The following NEK10 variants were observed in gnomAD, a reference collection of about 807,000 sequenced individuals.
NEK10 encodes the protein NIMA related kinase 10.
A neutral mutation model predicts 159.8 loss-of-function variants in NEK10; 122 were observed. The observed-to-expected ratio is 0.76, with a 90% CI of 0.66 to 0.89. The LOEUF is 0.89. Among genes scored for constraint, NEK10 ranks in the 40% least tolerant of loss-of-function variants. NEK10 has a pLI of 0.00. For synonymous variants in NEK10, 466 were observed against 457.1 expected (o/e 1.02, Z -0.25); for missense variants, 1,342 against 1,323.1 (o/e 1.01, Z -0.22).
At chr3:27,283,089 A>C (rs1472105147) in intron 22 of NEK10, among the ~76,000 whole-genome samples, 1 of 152,126 alleles carries the variant, frequency 6.6e-6, no homozygotes, top group Middle Eastern at 3.2e-3. Context: ...CAAATATATT[A>C]ATATGATGTT....
chr3:27,336,547 A>G (rs2046815824), intron 5 of NEK10, among the ~76,000 whole-genome samples: 1 of 152,132 alleles, frequency 6.6e-6, no homozygotes, highest in African/African-American at 2.4e-5. Context: ...AACAAAAACC[A>G]TGAAAACTAT....
rs184656552 is a variant in NEK10, at chr3:27,292,311, T to C, written c.1374-725A>G. ...AGAAGGAAACATTTATTGGGTGTTT[T>C]TTTGGGTGTGGAGCACTTTCACAAA... is the stretch of plus-strand genomic sequence containing the variant. On this transcript the variant is annotated intron_variant, in intron 16 of 35. Coordinates refer to ENST00000691995, the MANE Select transcript of NEK10 (RefSeq NM_001394966.1). Among the ~76,000 whole-genome samples, 869 of 152,312 alleles carry C rather than the reference T, an allele frequency of 5.7e-3. 7 individuals carry two copies. Among genetic ancestry groups the C allele is most frequent in the African/African-American group, 0.019 (809 of 41,572 alleles).
intron 23 of NEK10, among the ~76,000 whole-genome samples, chr3:27,204,312 T>TG (rs2149055567): frequency 1.5e-5 from 2 of 135,554 alleles, no homozygotes; most frequent in African/African-American, 2.6e-5. Flanking sequence ...TTTTTTTTTT[T>TG]TTTTTTTTTA....
Position 27,107,721 on chromosome 3 carries a change from G to A in NEK10, c.*3551C>T, listed in dbSNP as rs572626910. Among the ~76,000 whole-genome samples, 148 of 152,214 alleles carry A rather than the reference G, an allele frequency of 9.7e-4. No homozygotes were observed. The highest frequency in any genetic ancestry group is 1.6e-3 in the Non-Finnish European group (108 of 67,996). On this transcript the variant is annotated 3_prime_UTR_variant, in exon 36 of 36. Coordinates refer to ENST00000691995, the MANE Select transcript of NEK10 (RefSeq NM_001394966.1). Reference sequence around the variant, plus strand: ...GGGTGCCAAGAAGCTGTTTCAGATAGATTTCTTTGCATTGCCTCTCCAAGT... The same window carrying A: ...GGGTGCCAAGAAGCTGTTTCAGATAAATTTCTTTGCATTGCCTCTCCAAGT...
intron 23 of NEK10, among the ~76,000 whole-genome samples, chr3:27,246,107 A>G (rs1955027979): frequency 6.6e-6 from 1 of 152,222 alleles, no homozygotes; most frequent in African/African-American, 2.4e-5. Flanking sequence ...CCACTGACAG[A>G]ATCAATCATC....
chr3:27,174,399 C>T (rs764971365), intron 28 of NEK10, 40 bp downstream of exon 28: 116 of 1,607,226 alleles, frequency 7.2e-5, no homozygotes, highest in Non-Finnish European at 8.7e-5. Context: ...CACTGTCTTC[C>T]GGAATCCCAC....
intron 26 of NEK10, among the ~76,000 whole-genome samples, chr3:27,190,476 G>C (rs559743368): frequency 6.6e-6 from 1 of 152,260 alleles, no homozygotes; most frequent in South Asian, 2.1e-4. Context: ...ATAAACGTTT[G>C]AAGTTTTCCA....
At chr3:27,368,775 A>T (rs757478973) in intron 1 of NEK10, among the ~76,000 whole-genome samples, 8 of 152,036 alleles carry the variant, frequency 5.3e-5, no homozygotes, top group Non-Finnish European at 8.8e-5. Flanking sequence ...ATGGTGCCTG[A>T]GGCGAGGAAG....
intron 16 of NEK10, 50 bp downstream of exon 16, chr3:27,293,538 C>T (rs144577870): frequency 3.1e-6 from 3 of 968,790 alleles, no homozygotes; most frequent in Admixed American, 2.4e-5. Context: ...ACAGTTCAAT[C>T]TAATGATCTC....
At chr3:27,332,128 C>G (rs1243953766) in intron 5 of NEK10, among the ~76,000 whole-genome samples, 1 of 152,028 alleles carries the variant, frequency 6.6e-6, no homozygotes, top group Non-Finnish European at 1.5e-5. Flanking sequence ...AAAATAATAC[C>G]AAATTTCATA....
chr3:27,175,549 C>A (rs1357944800), intron 26 of NEK10, among the ~76,000 whole-genome samples: 1 of 152,048 alleles, frequency 6.6e-6, no homozygotes, highest in Non-Finnish European at 1.5e-5. Context: ...TAATTAATGC[C>A]ACTGATGCTG....
chr3:27,306,355 C>T (rs1201453368), intron 11 of NEK10, among the ~76,000 whole-genome samples: 1 of 152,160 alleles, frequency 6.6e-6, no homozygotes, highest in Non-Finnish European at 1.5e-5. Flanking sequence ...TTTCTCATTC[C>T]TTTCCCCTGA....
chr3:27,205,293 T>G (rs577161643), intron 23 of NEK10, among the ~76,000 whole-genome samples: 1 of 141,672 alleles, frequency 7.1e-6, no homozygotes, highest in East Asian at 2.0e-4. Context: ...CAAGGTAATT[T>G]ACAGATTCAA....
At chr3:27,287,006 G>A (rs966215327) in intron 20 of NEK10, among the ~76,000 whole-genome samples, 3 of 151,980 alleles carry the variant, frequency 2.0e-5, no homozygotes, top group East Asian at 1.9e-4. Context: ...GAGGTAGTCC[G>A]GAAGCCCCAG....
chr3:27,345,163 C>T (rs570460622), intron 4 of NEK10, among the ~76,000 whole-genome samples: 194 of 152,202 alleles, frequency 1.3e-3, no homozygotes, highest in Non-Finnish European at 2.4e-3. Context: ...AACATACAAC[C>T]TCAAAGGAAA....
chr3:27,317,986 G>A (rs1018485469), intron 6 of NEK10, among the ~76,000 whole-genome samples: 10 of 152,032 alleles, frequency 6.6e-5, no homozygotes, highest in Admixed American at 3.3e-4. Flanking sequence ...CTATTTTTTA[G>A]TAGAGACGGG....
intron 31 of NEK10, among the ~76,000 whole-genome samples, chr3:27,132,206 C>A (rs1942701938): frequency 1.3e-5 from 2 of 152,160 alleles, no homozygotes; most frequent in African/African-American, 4.8e-5. Flanking sequence ...ATGGCTGCTT[C>A]CATTTATCTT....
intron 14 of NEK10, 61 bp from the exon 15 acceptor site, chr3:27,295,751 GA>G: frequency 6.8e-7 from 1 of 1,474,124 alleles, no homozygotes; most frequent in South Asian, 1.4e-5. Context: ...CAAGCAAAAA[GA>G]GGCAAATAAA....
chr3:27,136,103 A>G (rs951886187), intron 31 of NEK10, among the ~76,000 whole-genome samples: 3 of 60,678 alleles, frequency 4.9e-5, no homozygotes, highest in African/African-American at 1.9e-4. Context: ...TAGGAGATCG[A>G]TTTTTTTTTT....
Sources: gnomAD v4.1 joint callset for allele counts (sites outside exome capture counted in the v4.1 genomes callset) on GRCh38, gnomAD v4.1.1 for gene constraint, MANE v1.5 for transcripts, NCBI Gene and HGNC (gene_info 2026-07-23, HGNC 2026-07-21) for gene names.